SCIN: variants seen among roughly 807,000 people sequenced by gnomAD.
The protein encoded by SCIN is scinderin.
SCIN carries 91 observed loss-of-function variants against 91.8 expected under a neutral mutation model. The ratio of observed to expected loss-of-function variants is 0.99; its 90% CI spans 0.84 to 1.18. The LOEUF (loss-of-function observed/expected upper bound fraction) is 1.18. Among genes scored for constraint, SCIN ranks in the 50% most tolerant of loss-of-function variants. The probability of loss-of-function intolerance (pLI) is 0.00; values close to 1 mark genes in which losing one functional copy is unlikely to be tolerated. For missense variants in SCIN, 1,087 were observed against 863.9 expected, an observed-to-expected ratio of 1.26 and a Z score of -3.24; for synonymous variants, 367 against 312.6, an observed-to-expected ratio of 1.17 and a Z score of -1.84.
At position 12,649,472 on chromosome 7, in the gene SCIN, A is replaced by G; in HGVS notation, c.1887A>G (p.Glu629=). Residue 629 remains glutamate (E), a synonymous_variant, in exon 14 of 16, where the codon GAA becomes GAG. Transcript: ENST00000297029. ...TAGCTTTTTATACCTTTCAGATTGAAGAGATTCCAGGAGAGTTCACCCAGG... is the reference window on the plus strand; with the variant it reads ...TAGCTTTTTATACCTTTCAGATTGAGGAGATTCCAGGAGAGTTCACCCAGG... ...CSNKTGRFVI[E]EIPGEFTQDD... 1.3e-6 allele frequency: 2 copies of G among 1,593,618 alleles called. No individual in the cohort carries two copies. The highest frequency in any genetic ancestry group is 1.7e-6 in the Non-Finnish European group (2 of 1,168,884).
intron 4 of SCIN, among the ~76,000 whole-genome samples, chr7:12,613,179 C>G (rs1783232646): frequency 6.6e-6 from 1 of 151,906 alleles, no homozygotes; most frequent in Non-Finnish European, 1.5e-5. Context: ...TAGTGTTCCA[C>G]TTGTCACAAT....
At chr7:12,582,790 G>A (rs755541173) in intron 3 of SCIN, among the ~76,000 whole-genome samples, 30 of 152,074 alleles carry the variant, frequency 2.0e-4, no homozygotes, top group East Asian at 3.9e-4. Context: ...TAAATAACTC[G>A]TGCACATAAA....
intron 13 of SCIN, among the ~76,000 whole-genome samples, chr7:12,646,582 T>C (rs1237539369): frequency 6.6e-6 from 1 of 152,158 alleles, no homozygotes; most frequent in East Asian, 1.9e-4. Context: ...CTCTGAAATA[T>C]CATCCTGAAC....
chr7:12,573,879 C>T (rs973627135), intron 1 of SCIN, among the ~76,000 whole-genome samples: 1 of 152,106 alleles, frequency 6.6e-6, no homozygotes, highest in Non-Finnish European at 1.5e-5. Context: ...TTACAATATA[C>T]GATACAAAGA....
At position 12,651,113 on chromosome 7, in the gene SCIN, G is replaced by A. The variant is rs1784070230; in HGVS notation, c.1960-728G>A. On this transcript the variant is annotated intron_variant, in intron 14 of 15. Transcript: ENST00000297029. This position sits in a 1 kb window ranked among gnomAD's most constrained non-coding sequence, Gnocchi z 5.9. ...GCAAGAACTAAATAAATGGCTGGAT[G>A]GTTGATGCTTTTCTACCATTTTGAA... 6.6e-6 allele frequency among the ~76,000 whole-genome samples: 1 copy of A among 152,200 alleles called. No individual in the cohort carries two copies. The highest frequency in any genetic ancestry group is 2.4e-5 in the African/African-American group (1 of 41,448).
intron 14 of SCIN, among the ~76,000 whole-genome samples, chr7:12,650,035 TA>T: frequency 6.6e-6 from 1 of 152,334 alleles, no homozygotes; most frequent in Middle Eastern, 3.4e-3. Flanking sequence ...TCAAGGAAAT[TA>T]GTGGTGATTT....
chr7:12,629,514 T>G (rs1783600575), intron 9 of SCIN, among the ~76,000 whole-genome samples: 1 of 152,188 alleles, frequency 6.6e-6, no homozygotes, highest in South Asian at 2.1e-4. Context: ...TCATCTTGTA[T>G]GCAGGTTAAC....
At chr7:12,581,280 T>C in intron 3 of SCIN, 59 bp downstream of exon 3, 1 of 1,487,732 alleles carries the variant, frequency 6.7e-7, no homozygotes, top group Non-Finnish European at 9.1e-7. Flanking sequence ...TCGGATCAAA[T>C]CATATGTACA....
Position 12,651,842 on chromosome 7 carries a change from T to C in SCIN, c.1961T>C (p.Ile654Thr). The C allele has an allele frequency of 6.3e-7, 1 of 1,577,008 alleles. No homozygotes were observed. The highest frequency in any genetic ancestry group is 2.3e-5 in the East Asian group (1 of 44,314). ...TATTGTTATTGTTTCATTTTTCAGA[T>C]ATTTATTTGGATTGGCAAAGATGCT... ...DVMLLDAWEQ[I>T]FIWIGKDANE... The change falls in exon 15 of 16, where the codon ATA becomes ACA. Residue 654 changes from isoleucine to threonine, a missense_variant and splice_region_variant. Transcript: ENST00000297029. The surrounding 1 kb of genome is among the most constrained non-coding windows in gnomAD (Gnocchi z 5.9).
intron 13 of SCIN, among the ~76,000 whole-genome samples, chr7:12,645,658 G>A (rs868658416): frequency 2.0e-5 from 3 of 151,922 alleles, no homozygotes; most frequent in Non-Finnish European, 2.9e-5. Context: ...TCCACCTTTC[G>A]ATAGGCCCCC....
intron 3 of SCIN, among the ~76,000 whole-genome samples, chr7:12,594,282 C>G (rs377136169): frequency 6.6e-6 from 1 of 151,824 alleles, no homozygotes; most frequent in African/African-American, 2.4e-5. Context: ...AGAAAATCCA[C>G]GGGGTCAAAG....
At chr7:12,633,355 C>T (rs1783683830) in intron 9 of SCIN, among the ~76,000 whole-genome samples, 1 of 152,192 alleles carries the variant, frequency 6.6e-6, no homozygotes, top group East Asian at 1.9e-4. Flanking sequence ...GCAACAACCA[C>T]CACAGGTTTA....
At chr7:12,615,909 G>A (rs1183614235) in intron 4 of SCIN, among the ~76,000 whole-genome samples, 1 of 152,034 alleles carries the variant, frequency 6.6e-6, no homozygotes, top group Non-Finnish European at 1.5e-5. Context: ...TGAATTAAAA[G>A]TTATATATAA....
chr7:12,652,618 G>T lies in SCIN; in HGVS notation c.2051G>T (p.Gly684Val). The T allele has an allele frequency of 1.2e-6, 2 of 1,612,824 alleles. No homozygotes were observed. Among genetic ancestry groups the T allele is most frequent in the South Asian group, 1.1e-5 (1 of 90,942 alleles). Residue 684 changes from glycine (G) to valine (V), a missense_variant, in exon 16 of 16, where the codon GGA (glycine) becomes GTA (valine). Transcript: ENST00000297029. ...ATGTACCTTGAGACAGACCCTTCTG[G>T]AAGAGACAAGAGGACACCAATTGTC... ...AKMYLETDPSGRDKRTPIVII... is the reference protein window; with the variant it reads ...AKMYLETDPSVRDKRTPIVII...
chr7:12,576,110 T>A (rs1782364600), intron 1 of SCIN, among the ~76,000 whole-genome samples: 1 of 152,206 alleles, frequency 6.6e-6, no homozygotes, highest in Non-Finnish European at 1.5e-5. Flanking sequence ...AAATACATCA[T>A]CTTTAACACC....
At chr7:12,596,775 A>G (rs1275408153) in intron 3 of SCIN, among the ~76,000 whole-genome samples, 2 of 152,026 alleles carry the variant, frequency 1.3e-5, no homozygotes, top group Non-Finnish European at 2.9e-5. Flanking sequence ...GATCCCTCCC[A>G]AAACTGTTCA....
chr7:12,625,918 C>T, intron 7 of SCIN, 68 bp downstream of exon 7: 1 of 1,180,348 alleles, frequency 8.5e-7, no homozygotes, highest in Non-Finnish European at 1.2e-6. Context: ...CTCCACGAAA[C>T]TCATGAAAAA....
At chr7:12,602,822 G>T (rs1782985494) in intron 3 of SCIN, among the ~76,000 whole-genome samples, 2 of 152,002 alleles carry the variant, frequency 1.3e-5, no homozygotes, top group African/African-American at 2.4e-5. Context: ...ATTTCATATT[G>T]TTCAAACACA....
chr7:12,651,026 G>T lies in SCIN; in HGVS notation c.1960-815G>T, dbSNP rs1784068445. ...GTTCACATAAAAATCAGTTGATAAA[G>T]GGCAGATTAATAGGAGAAAAGGCAT... On this transcript the variant is annotated intron_variant, in intron 14 of 15. Coordinates refer to ENST00000297029, the MANE Select transcript of SCIN (RefSeq NM_001112706.3). This position sits in a 1 kb window ranked among gnomAD's most constrained non-coding sequence, Gnocchi z 5.9. Among the ~76,000 whole-genome samples the T allele has an allele frequency of 6.6e-6, 1 of 152,160 alleles. No homozygotes were observed. The highest frequency in any genetic ancestry group is 1.5e-5 in the Non-Finnish European group (1 of 68,036).
Sources: gnomAD v4.1 joint callset for allele counts (sites outside exome capture counted in the v4.1 genomes callset) on GRCh38, gnomAD v4.1.1 for gene constraint, Gnocchi (gnomAD v3.1) non-coding constraint, MANE v1.5 for transcripts, NCBI Gene and HGNC (gene_info 2026-07-23, HGNC 2026-07-21) for gene names.